Variants in PKNOX1 observed in about 807,000 individuals in gnomAD.
The protein encoded by PKNOX1 is homeobox protein PKNOX1.
PKNOX1 carries 15 observed loss-of-function variants against 51.9 expected under a neutral mutation model. The observed-to-expected ratio is 0.29, with a 90% confidence interval of 0.19 to 0.45. PKNOX1 has a LOEUF of 0.45. Ranked by LOEUF, PKNOX1 falls within the 20% of genes least tolerant of loss-of-function variation. The pLI is 1.00. For synonymous variants in PKNOX1, 219 were observed against 211.1 expected, an observed-to-expected ratio of 1.04 and a Z score of -0.32; for missense variants, 462 against 547.5, an observed-to-expected ratio of 0.84 and a Z score of 1.56.
chr21:43,012,241 C>T (rs1979286034), intron 4 of PKNOX1, among the ~76,000 whole-genome samples: 1 of 152,142 alleles, frequency 6.6e-6, no homozygotes, highest in Admixed American at 6.5e-5. Context: ...CAAATTACCC[C>T]AAAATGTAGT....
At chr21:43,026,232 G>C (rs577513977) in intron 9 of PKNOX1, among the ~76,000 whole-genome samples, 1 of 152,118 alleles carries the variant, frequency 6.6e-6, no homozygotes, top group Non-Finnish European at 1.5e-5. Context: ...TTACATTAAC[G>C]AATTGTCTTA....
chr21:43,004,364 A>G lies in PKNOX1; in HGVS notation c.-18A>G. 6.3e-7 allele frequency: 1 copy of G among 1,576,292 alleles called. No individual in the cohort carries two copies. The highest frequency in any genetic ancestry group is 8.7e-7 in the Non-Finnish European group (1 of 1,145,584). On this transcript the variant is annotated 5_prime_UTR_variant, in exon 2 of 11. Transcript: ENST00000291547. ...TTCACCCAAGATGATTTGATGTCTTATAAAACTCTGATGAACCATGATGGC... is the reference window on the plus strand; with the variant it reads ...TTCACCCAAGATGATTTGATGTCTTGTAAAACTCTGATGAACCATGATGGC...
intron 9 of PKNOX1, among the ~76,000 whole-genome samples, chr21:43,027,308 C>T (rs541025093): frequency 3.3e-5 from 5 of 152,158 alleles, no homozygotes; most frequent in Non-Finnish European, 7.3e-5. Context: ...GTTTGATAGG[C>T]GCTTTCACGG....
chr21:42,985,389 C>T (rs2059047090), intron 1 of PKNOX1, among the ~76,000 whole-genome samples: 1 of 152,030 alleles, frequency 6.6e-6, no homozygotes, highest in Admixed American at 6.6e-5. Flanking sequence ...GGTTGGAGTG[C>T]AGGGGAGTGA....
At chr21:43,009,201 A>G (rs1601291073) in intron 3 of PKNOX1, among the ~76,000 whole-genome samples, 2 of 152,154 alleles carry the variant, frequency 1.3e-5, no homozygotes, top group African/African-American at 4.8e-5. Flanking sequence ...TAATCCCAGC[A>G]CTTTGGGAGG....
intron 9 of PKNOX1, among the ~76,000 whole-genome samples, chr21:43,025,596 A>G (rs1037873869): frequency 1.1e-4 from 17 of 152,208 alleles, no homozygotes; most frequent in Non-Finnish European, 2.2e-4. Context: ...TTCTTCAGTA[A>G]GGGCTTGTGC....
At chr21:43,003,647 C>T (rs1291881366) in intron 1 of PKNOX1, among the ~76,000 whole-genome samples, 1 of 152,282 alleles carries the variant, frequency 6.6e-6, no homozygotes, top group Non-Finnish European at 1.5e-5. Context: ...CATTCTTGAC[C>T]CTGTGTATTG....
intron 1 of PKNOX1, among the ~76,000 whole-genome samples, chr21:42,987,398 A>ATATAT (rs1555858083): frequency 2.2e-5 from 2 of 91,834 alleles, no homozygotes; most frequent in African/African-American, 9.8e-5. Context: ...AAAAAAAAAA[A>ATATAT]AAAAAAATAT....
intron 1 of PKNOX1, among the ~76,000 whole-genome samples, chr21:42,975,476 G>A (rs528309593): frequency 2.0e-5 from 3 of 152,334 alleles, no homozygotes; most frequent in South Asian, 4.1e-4. Context: ...AGGAAGTGCC[G>A]GGCAGGGTCT....
At chr21:43,020,999 C>T (rs573280024) in intron 7 of PKNOX1, among the ~76,000 whole-genome samples, 30 of 152,302 alleles carry the variant, frequency 2.0e-4, no homozygotes, top group Non-Finnish European at 3.8e-4. Context: ...GTCCCAGCTA[C>T]CCAGGAGGCT....
In PKNOX1 at chr21:43,021,429, G is replaced by A. The variant is rs1253012351; in HGVS notation, c.847G>A (p.Gly283Arg). The A allele has an allele frequency of 6.2e-7, 1 of 1,607,150 alleles. No individual in the cohort carries two copies. Among genetic ancestry groups the A allele is most frequent in the Admixed American group, 1.7e-5 (1 of 59,452 alleles). ...VMRSWLFQHIGHPYPTEDEKK... is the reference protein window; with the variant it reads ...VMRSWLFQHIRHPYPTEDEKK... ...GCGGTCCTGGCTCTTCCAGCACATC[G>A]GGGTAAGGACGGCTGGGCCAGCCCT... The change falls in exon 8 of 11, where the codon GGG becomes AGG. Residue 283 changes from glycine to arginine, a missense_variant and splice_region_variant. Around this residue, in one of 5 missense-constraint regions of PKNOX1, gnomAD observed 75 missense variants for 129.8 expected, o/e 0.58. Coordinates refer to ENST00000291547, the MANE Select transcript of PKNOX1 (RefSeq NM_004571.5). This position sits in a 1 kb window ranked among gnomAD's most constrained non-coding sequence, Gnocchi z 4.6.
intron 1 of PKNOX1, among the ~76,000 whole-genome samples, chr21:42,985,389 CAGGGG>C (rs1172954058): frequency 1.3e-5 from 2 of 152,030 alleles, no homozygotes; most frequent in Non-Finnish European, 2.9e-5. Flanking sequence ...GGTTGGAGTG[CAGGGG>C]AGTGATCTTG....
At chr21:42,987,357 G>A (rs2146232777) in intron 1 of PKNOX1, among the ~76,000 whole-genome samples, 1 of 117,524 alleles carries the variant, frequency 8.5e-6, no homozygotes, top group South Asian at 2.7e-4. Context: ...ACTCCAGCCT[G>A]GGCAACAAGA....
At chr21:43,009,213 T>A (rs1979131641) in intron 3 of PKNOX1, among the ~76,000 whole-genome samples, 1 of 152,118 alleles carries the variant, frequency 6.6e-6, no homozygotes, top group South Asian at 2.1e-4. Context: ...TTTGGGAGGC[T>A]GAGGCGGTTG....
At chr21:42,976,825 T>C (rs909081946) in intron 1 of PKNOX1, among the ~76,000 whole-genome samples, 2 of 152,332 alleles carry the variant, frequency 1.3e-5, no homozygotes, top group Non-Finnish European at 2.9e-5. Context: ...ATGAATGGCA[T>C]CTAGAATGGC....
At chr21:42,975,747 TG>T (rs1266408123) in intron 1 of PKNOX1, among the ~76,000 whole-genome samples, 1 of 152,176 alleles carries the variant, frequency 6.6e-6, no homozygotes, top group Non-Finnish European at 1.5e-5. Flanking sequence ...GCCGCAGCCC[TG>T]GGGGGTGTTC....
In PKNOX1 at chr21:43,018,047, C is replaced by CAAAAAAAA. The variant is rs60175567; in HGVS notation, c.623-70_623-63dup. 2.1e-3 allele frequency: 594 copies of CAAAAAAAA among 278,844 alleles called. 1 individual carries two copies. Among genetic ancestry groups the CAAAAAAAA allele is most frequent in the Admixed American group, 2.8e-3 (46 of 16,204 alleles). 17.3% of individuals were successfully genotyped at this position (278,844 alleles called of 1,614,324 possible). ...CAACAAAGCAATGTCCCTGTCTCTA[C>CAAAAAAAA]AAAAAAAAAAAAAAAAAAAAAAAGA... On this transcript the variant is annotated intron_variant, in intron 6 of 10. Transcript: ENST00000291547.
chr21:42,983,274 A>G (rs970993733), intron 1 of PKNOX1, among the ~76,000 whole-genome samples: 2 of 144,404 alleles, frequency 1.4e-5, no homozygotes, highest in Admixed American at 7.2e-5. Context: ...GAAACTCTAT[A>G]CCCATTAAAC....
Position 43,021,567 on chromosome 21 carries a change from C to A in PKNOX1, c.849+136C>A. On this transcript the variant is annotated intron_variant, in intron 8 of 10. Coordinates refer to ENST00000291547, the MANE Select transcript of PKNOX1 (RefSeq NM_004571.5). The surrounding 1 kb of genome is among the most constrained non-coding windows in gnomAD (Gnocchi z 4.6). The stretch of plus-strand genomic sequence containing the variant: ...GACTTTCAGGACTTTGTGGCATGTC[C>A]ATAATGTGGGGAGCGTGGGGCACTG... 9.2e-7 allele frequency: 1 copy of A among 1,083,380 alleles called. No homozygotes were observed. Among genetic ancestry groups the A allele is most frequent in the Non-Finnish European group, 1.3e-6 (1 of 770,786 alleles). The allele number at this position is 1,083,380 out of a possible 1,614,324, so 67.1% of individuals were successfully genotyped here.
Sources: gnomAD v4.1 joint callset for allele counts (sites outside exome capture counted in the v4.1 genomes callset) on GRCh38, gnomAD v4.1.1 for gene constraint, gnomAD v4.1.1 regional missense constraint, Gnocchi (gnomAD v3.1) non-coding constraint, MANE v1.5 for transcripts, NCBI Gene and HGNC (gene_info 2026-07-23, HGNC 2026-07-21) for gene names.